Variants in NCALD observed in about 807,000 individuals in gnomAD.
NCALD encodes neurocalcin-delta.
Under a neutral mutation model 18.6 loss-of-function variants are expected in NCALD, and 10 were observed. That is an observed-to-expected ratio of 0.54 (90% CI 0.33 to 0.91). NCALD has a LOEUF of 0.91. Among genes scored for constraint, NCALD ranks in the 40% least tolerant of loss-of-function variants. The probability of loss-of-function intolerance (pLI) is 0.03; values close to 1 mark genes in which losing one functional copy is unlikely to be tolerated. For missense variants in NCALD, 184 were observed against 247.6 expected (o/e 0.74, Z 1.72); for synonymous variants, 88 against 87.4 (o/e 1.01, Z -0.04).
At chr8:101,780,042 C>G (rs1308698016) in intron 1 of NCALD, 1 of 152,088 alleles carries the variant, frequency 6.6e-6, no homozygotes, top group African/African-American at 2.4e-5. Context: ...GTAGTTGTTA[C>G]TTTGGACAGT....
intron 1 of NCALD, among the ~76,000 whole-genome samples, chr8:101,749,742 C>A (rs948831424): frequency 4.6e-5 from 7 of 152,286 alleles, no homozygotes; most frequent in African/African-American, 1.2e-4. Context: ...TGGGTGAGCC[C>A]TCCAGTCCAC....
At position 101,936,230 on chromosome 8, in the gene NCALD, C is replaced by T. The variant is rs1193043218; in HGVS notation, c.-156-20372G>A. Among the ~76,000 whole-genome samples, 5 of 152,186 alleles carry T rather than the reference C, an allele frequency of 3.3e-5. No individual in the cohort carries two copies. In the East Asian group the frequency reaches 5.8e-4, roughly 18 times the overall value. On this transcript the variant is annotated intron_variant, in intron 2 of 6. Coordinates refer to the NCALD transcript ENST00000311028. ...TTCTAACATGGCATTTTCTACCTGA[C>T]ATTTGCAGTCATGAATTTTCAGTAA... is the stretch of plus-strand genomic sequence containing the variant.
chr8:101,864,577 C>T (rs1815682251), intron 4 of NCALD, among the ~76,000 whole-genome samples: 1 of 150,272 alleles, frequency 6.7e-6, no homozygotes, highest in African/African-American at 2.5e-5. Flanking sequence ...AGGATTGTTC[C>T]AATTTTCTTT....
At chr8:101,755,895 T>C (rs1047269876) in intron 1 of NCALD, among the ~76,000 whole-genome samples, 10 of 152,210 alleles carry the variant, frequency 6.6e-5, no homozygotes, top group Non-Finnish European at 1.5e-4. Context: ...AAACATATAG[T>C]GGTGACAAGA....
chr8:101,980,444 T>G (rs1195550211), intron 2 of NCALD, among the ~76,000 whole-genome samples: 1 of 152,148 alleles, frequency 6.6e-6, no homozygotes, highest in Non-Finnish European at 1.5e-5. Context: ...TTAAAAGGGC[T>G]AGGATCAGAC....
At chr8:102,036,920 G>A (rs113867999) in intron 1 of NCALD, among the ~76,000 whole-genome samples, 4 of 152,158 alleles carry the variant, frequency 2.6e-5, no homozygotes, top group African/African-American at 9.6e-5. Context: ...ACAGAAATTT[G>A]AAAAAGATTA....
chr8:101,989,267 G>A (rs1586880149), intron 2 of NCALD, among the ~76,000 whole-genome samples: 1 of 152,096 alleles, frequency 6.6e-6, no homozygotes, highest in African/African-American at 2.4e-5. Context: ...TTTTCAAAAG[G>A]AGCTAAAATA....
At chr8:102,101,811 C>A (rs1345321796) in intron 1 of NCALD, among the ~76,000 whole-genome samples, 3 of 152,158 alleles carry the variant, frequency 2.0e-5, no homozygotes, top group African/African-American at 7.2e-5. Flanking sequence ...ACATGAAGGG[C>A]AACTTAGCAG....
At chr8:102,080,589 T>A (rs1230302729) in intron 1 of NCALD, among the ~76,000 whole-genome samples, 1 of 152,152 alleles carries the variant, frequency 6.6e-6, no homozygotes, top group African/African-American at 2.4e-5. Context: ...TTCCCACTCA[T>A]CAAAGAGAAA....
intron 1 of NCALD, among the ~76,000 whole-genome samples, chr8:102,048,224 T>A (rs1823316314): frequency 6.6e-6 from 1 of 152,250 alleles, no homozygotes; most frequent in Admixed American, 6.5e-5. Context: ...TCACCAAAGA[T>A]ACGGGATTGC....
At chr8:101,846,014 C>A (rs555766904) in intron 4 of NCALD, among the ~76,000 whole-genome samples, 1 of 152,262 alleles carries the variant, frequency 6.6e-6, no homozygotes, top group African/African-American at 2.4e-5. Context: ...GAATTTTATT[C>A]TTTCTATGGC....
intron 4 of NCALD, among the ~76,000 whole-genome samples, chr8:101,842,960 A>G (rs1011160484): frequency 1.3e-5 from 2 of 152,240 alleles, no homozygotes; most frequent in African/African-American, 4.8e-5. Context: ...TGTATTCATT[A>G]TGAAATACCA....
At chr8:101,720,788 C>A (rs977876227) in intron 1 of NCALD, among the ~76,000 whole-genome samples, 1 of 152,208 alleles carries the variant, frequency 6.6e-6, no homozygotes, top group Admixed American at 6.5e-5. Flanking sequence ...AAGTGCTTCT[C>A]ATTTATAGTG....
chr8:101,818,072 C>T (rs1813571199), intron 4 of NCALD, among the ~76,000 whole-genome samples: 1 of 152,024 alleles, frequency 6.6e-6, no homozygotes, highest in Admixed American at 6.6e-5. Context: ...GGACTTTGCC[C>T]TGGGAAGTAT....
chr8:102,013,943 T>G (rs1821992489), intron 2 of NCALD, among the ~76,000 whole-genome samples: 1 of 152,178 alleles, frequency 6.6e-6, no homozygotes, highest in African/African-American at 2.4e-5. Flanking sequence ...ATACTCAAAG[T>G]CAGGAAGATT....
chr8:101,875,866 T>A (rs1206676035), intron 4 of NCALD, among the ~76,000 whole-genome samples: 1 of 152,230 alleles, frequency 6.6e-6, no homozygotes, highest in Non-Finnish European at 1.5e-5. Flanking sequence ...AATCACTGGA[T>A]AACAATCCCA....
At chr8:102,010,491 C>T (rs992560982) in intron 2 of NCALD, among the ~76,000 whole-genome samples, 6 of 152,152 alleles carry the variant, frequency 3.9e-5, no homozygotes, top group Non-Finnish European at 8.8e-5. Context: ...GTGACTTCAA[C>T]TATAAAAGTC....
chr8:102,050,194 A>AAAAAAAG (rs1207268297), intron 1 of NCALD, among the ~76,000 whole-genome samples: 1 of 125,526 alleles, frequency 8.0e-6, no homozygotes, highest in East Asian at 2.2e-4. Flanking sequence ...AAAAAAAAAA[A>AAAAAAAG]ATTGAGCTGT....
chr8:101,877,525 C>G (rs971834026), intron 4 of NCALD, among the ~76,000 whole-genome samples: 3 of 152,238 alleles, frequency 2.0e-5, no homozygotes, highest in Non-Finnish European at 4.4e-5. Context: ...ACTACCTAAG[C>G]ATTAGTCAGA....
Sources: gnomAD v4.1 joint callset for allele counts (sites outside exome capture counted in the v4.1 genomes callset) on GRCh38, gnomAD v4.1.1 for gene constraint, MANE v1.5 for transcripts, NCBI Gene and HGNC (gene_info 2026-07-23, HGNC 2026-07-21) for gene names.